LPP: variants seen among roughly 807,000 people sequenced by gnomAD.
The protein encoded by LPP is LIM domain containing preferred translocation partner in lipoma.
LPP carries 38 observed loss-of-function variants against 60.4 expected under a neutral mutation model. The ratio of observed to expected loss-of-function variants is 0.63; its 90% CI spans 0.49 to 0.83. The LOEUF (loss-of-function observed/expected upper bound fraction) is 0.83. LPP is among the 40% of genes least tolerant of loss of function. The probability of loss-of-function intolerance (pLI) is 0.00; values close to 1 mark genes in which losing one functional copy is unlikely to be tolerated. For missense variants in LPP, 902 were observed against 783.6 expected (o/e 1.15, Z -1.80); for synonymous variants, 328 against 290.8 (o/e 1.13, Z -1.30).
chr3:188,459,844 G>C (rs1798597864), intron 4 of LPP, among the ~76,000 whole-genome samples: 2 of 151,988 alleles, frequency 1.3e-5, no homozygotes, highest in African/African-American at 4.8e-5. Flanking sequence ...ATTCATGGGG[G>C]GGGGTTCTTT....
intron 6 of LPP, among the ~76,000 whole-genome samples, chr3:188,607,116 GACACACACACACACACACAC>G (rs34057522): frequency 2.7e-4 from 35 of 129,590 alleles, no homozygotes; most frequent in South Asian, 1.4e-3. Flanking sequence ...TCTTGGTGAA[GACACACACACACACACACAC>G]ACACACACAC....
chr3:188,229,802 A>G (rs543170893), intron 2 of LPP, among the ~76,000 whole-genome samples: 1 of 152,298 alleles, frequency 6.6e-6, no homozygotes, highest in South Asian at 2.1e-4. Context: ...TACATTAGGC[A>G]TGGCCTTAGG....
intron 9 of LPP, among the ~76,000 whole-genome samples, chr3:188,845,161 T>C (rs1761092839): frequency 6.6e-6 from 1 of 152,212 alleles, no homozygotes; most frequent in South Asian, 2.1e-4. Context: ...CAGGAAATCA[T>C]ATTTTAAAGC....
chr3:188,212,635 C>T (rs887444336), intron 1 of LPP: 4 of 152,322 alleles, frequency 2.6e-5, no homozygotes, highest in Admixed American at 2.0e-4. Flanking sequence ...GAAACAAAGT[C>T]GTCCCCCCAC....
intron 6 of LPP, among the ~76,000 whole-genome samples, chr3:188,548,828 C>T (rs1827326577): frequency 6.6e-6 from 1 of 152,140 alleles, no homozygotes; most frequent in Non-Finnish European, 1.5e-5. Flanking sequence ...TAAAATGCTG[C>T]ATGTTTCAAC....
intron 2 of LPP, among the ~76,000 whole-genome samples, chr3:188,323,662 C>T (rs376962968): frequency 1.3e-5 from 2 of 152,222 alleles, no homozygotes; most frequent in African/African-American, 4.8e-5. Flanking sequence ...GTTCTATGCA[C>T]GTGGCACCTG....
chr3:188,203,474 A>AATATATATATATATTTAAAT (rs1246116448), intron 1 of LPP, among the ~76,000 whole-genome samples: 1 of 87,338 alleles, frequency 1.1e-5, no homozygotes, highest in Non-Finnish European at 2.0e-5. Context: ...TATATTTTTA[A>AATATATATATATATTTAAAT]ATATATATAT....
At chr3:188,295,439 T>C (rs1425147628) in intron 2 of LPP, among the ~76,000 whole-genome samples, 3 of 152,344 alleles carry the variant, frequency 2.0e-5, no homozygotes, top group Admixed American at 6.5e-5. Context: ...AGAGCAAAGA[T>C]TGGGGATGAA....
intron 9 of LPP, among the ~76,000 whole-genome samples, chr3:188,843,076 T>C (rs1410348423): frequency 6.6e-6 from 1 of 152,238 alleles, no homozygotes; most frequent in Admixed American, 6.5e-5. Context: ...TGTTGTTTAG[T>C]ATGCCACGAT....
chr3:188,779,377 G>C (rs1274595051), intron 9 of LPP, among the ~76,000 whole-genome samples: 1 of 152,078 alleles, frequency 6.6e-6, no homozygotes, highest in African/African-American at 2.4e-5. Context: ...TCAGTGCGAG[G>C]CTGACACACA....
At chr3:188,843,374 G>A (rs562316575) in intron 9 of LPP, among the ~76,000 whole-genome samples, 2 of 152,266 alleles carry the variant, frequency 1.3e-5, no homozygotes, top group Non-Finnish European at 2.9e-5. Context: ...GCAGCTCTGC[G>A]CTGGCTTGGC....
chr3:188,544,029 T>C (rs918962483), intron 6 of LPP, among the ~76,000 whole-genome samples: 2 of 152,178 alleles, frequency 1.3e-5, no homozygotes, highest in Non-Finnish European at 2.9e-5. Context: ...TAATGAAAGG[T>C]ACTAACAGAT....
chr3:188,358,778 G>T (rs1011950819), intron 3 of LPP, among the ~76,000 whole-genome samples: 2 of 152,262 alleles, frequency 1.3e-5, no homozygotes, highest in Non-Finnish European at 1.5e-5. Context: ...AAGCATATTC[G>T]CAATCTCTCT....
At chr3:188,796,521 C>A (rs1745398271) in intron 9 of LPP, among the ~76,000 whole-genome samples, 1 of 152,104 alleles carries the variant, frequency 6.6e-6, no homozygotes, top group South Asian at 2.1e-4. Context: ...ACTGGGGGAA[C>A]CTTTTCCCTA....
chr3:188,407,777 T>TTG (rs1409575808), intron 4 of LPP, among the ~76,000 whole-genome samples: 1 of 51,954 alleles, frequency 1.9e-5, no homozygotes, highest in Non-Finnish European at 5.0e-5. Context: ...GGTTTTTTTT[T>TTG]TTGTTTGTTT....
chr3:188,433,149 A>G (rs1343431189), intron 4 of LPP, among the ~76,000 whole-genome samples: 1 of 152,192 alleles, frequency 6.6e-6, no homozygotes, highest in Non-Finnish European at 1.5e-5. Flanking sequence ...AAAGAAATAT[A>G]TATTAAGAAT....
chr3:188,676,756 G>C (rs1858201182), intron 7 of LPP, among the ~76,000 whole-genome samples: 1 of 152,122 alleles, frequency 6.6e-6, no homozygotes, highest in African/African-American at 2.4e-5. Flanking sequence ...TTATTCCCAC[G>C]TGGTGGTATT....
chr3:188,761,077 G>A (rs1353464335), intron 9 of LPP, among the ~76,000 whole-genome samples: 1 of 152,078 alleles, frequency 6.6e-6, no homozygotes, highest in Non-Finnish European at 1.5e-5. Context: ...CTATCCTTCA[G>A]CATGATTTTA....
Position 188,609,266 on chromosome 3 carries a change from A to G in LPP, c.535A>G (p.Thr179Ala). The change falls in exon 7 of 12, where the codon ACA becomes GCA. Residue 179 changes from threonine (T) to alanine (A), a missense_variant. Transcript: ENST00000617246. This position sits in a 1 kb window ranked among gnomAD's most constrained non-coding sequence, Gnocchi z 6.9. ...CCCTCTAACAGCAACCAAGAAGTCT[A>G]CATTGAAACCACAGCCTGCACCCCA... Reference protein sequence around the residue: ...QPPLTATKKSTLKPQPAPQAG... With the variant: ...QPPLTATKKSALKPQPAPQAG... The G allele has an allele frequency of 1.2e-6, 2 of 1,614,040 alleles. No individual in the cohort carries two copies. The highest frequency in any genetic ancestry group is 1.7e-6 in the Non-Finnish European group (2 of 1,179,990).
Sources: gnomAD v4.1 joint callset for allele counts (sites outside exome capture counted in the v4.1 genomes callset) on GRCh38, gnomAD v4.1.1 for gene constraint, Gnocchi (gnomAD v3.1) non-coding constraint, MANE v1.5 for transcripts, NCBI Gene and HGNC (gene_info 2026-07-23, HGNC 2026-07-21) for gene names.